The following SLC25A21 variants were observed in gnomAD, a reference collection of about 807,000 sequenced individuals.
SLC25A21 encodes mitochondrial 2-oxodicarboxylate carrier.
SLC25A21 carries 47 observed loss-of-function variants against 43.8 expected under a neutral mutation model. The ratio of observed to expected loss-of-function variants is 1.07; its 90% CI spans 0.85 to 1.37. SLC25A21 has a LOEUF of 1.37. SLC25A21 is among the 40% of genes most tolerant of loss of function. The probability of loss-of-function intolerance (pLI) is 0.00; values close to 1 mark genes in which losing one functional copy is unlikely to be tolerated. For synonymous variants in SLC25A21, 131 were observed against 121.3 expected, an observed-to-expected ratio of 1.08 and a Z score of -0.52; for missense variants, 352 against 350.2, an observed-to-expected ratio of 1.00 and a Z score of -0.04.
chr14:36,706,843 A>G (rs1160460604), intron 7 of SLC25A21, among the ~76,000 whole-genome samples: 1 of 151,940 alleles, frequency 6.6e-6, no homozygotes, highest in Non-Finnish European at 1.5e-5. Flanking sequence ...ATTTCCATGC[A>G]CACATTCTGC....
At chr14:37,141,825 T>C (rs1003634220) in intron 1 of SLC25A21, among the ~76,000 whole-genome samples, 1 of 152,220 alleles carries the variant, frequency 6.6e-6, no homozygotes, top group African/African-American at 2.4e-5. Flanking sequence ...TTTCTACATT[T>C]TCGTCTGAGT....
At chr14:37,014,105 C>T (rs1360232798) in intron 1 of SLC25A21, among the ~76,000 whole-genome samples, 1 of 151,974 alleles carries the variant, frequency 6.6e-6, no homozygotes, top group Admixed American at 6.6e-5. Context: ...AAGGCAAGGT[C>T]CCAACTGATC....
intron 3 of SLC25A21, among the ~76,000 whole-genome samples, chr14:36,791,115 A>C (rs1203073361): frequency 6.6e-6 from 1 of 152,146 alleles, no homozygotes; most frequent in African/African-American, 2.4e-5. Flanking sequence ...TATTTCTAGA[A>C]GGATCCTTTC....
Position 36,683,850 on chromosome 14 carries a change from G to A in SLC25A21, c.816C>T (p.Pro272=). The change falls in exon 9 of 10, where the codon CCC becomes CCT. Residue 272 remains proline (P), a synonymous_variant. Transcript: ENST00000331299. The part of the protein sequence containing the change: ...GILALYKGLL[P]KIMRLGPGGA... The stretch of plus-strand genomic sequence containing the variant: ...TACCTGGTCCAAGTCTCATAATCTT[G>A]GGAAGCAGGCCTTTGTACAAAGCTA... The A allele has an allele frequency of 6.2e-7, 1 of 1,606,086 alleles. No individual in the cohort carries two copies.
intron 1 of SLC25A21, among the ~76,000 whole-genome samples, chr14:37,148,081 G>T (rs949413419): frequency 4.0e-5 from 6 of 151,728 alleles, no homozygotes; most frequent in Non-Finnish European, 5.9e-5. Context: ...CAAGTGATCG[G>T]TCTACCTGGG....
intron 1 of SLC25A21, among the ~76,000 whole-genome samples, chr14:36,906,525 TA>T (rs993783114): frequency 6.6e-6 from 1 of 151,452 alleles, no homozygotes; most frequent in Non-Finnish European, 1.5e-5. Context: ...TTTTTTTTTT[TA>T]GATGGAGTCT....
At chr14:36,872,568 G>A (rs759839614) in intron 2 of SLC25A21, among the ~76,000 whole-genome samples, 2 of 152,062 alleles carry the variant, frequency 1.3e-5, no homozygotes, top group Non-Finnish European at 2.9e-5. Context: ...AGTGTCAGTT[G>A]CCCATACTTG....
At chr14:36,755,283 G>A (rs1051974898) in intron 3 of SLC25A21, among the ~76,000 whole-genome samples, 6 of 152,164 alleles carry the variant, frequency 3.9e-5, no homozygotes, top group African/African-American at 1.4e-4. Flanking sequence ...GTGATATCAG[G>A]GAAGAATTCA....
intron 4 of SLC25A21, among the ~76,000 whole-genome samples, chr14:36,730,286 C>T (rs1884766241): frequency 6.6e-6 from 1 of 152,174 alleles, no homozygotes; most frequent in Non-Finnish European, 1.5e-5. Context: ...TAATCAATTG[C>T]TTCATATAAT....
intron 1 of SLC25A21, among the ~76,000 whole-genome samples, chr14:36,900,972 A>G (rs1891382722): frequency 6.6e-6 from 1 of 152,154 alleles, no homozygotes. Flanking sequence ...TGTATCCCAA[A>G]CCACTTTACA....
intron 1 of SLC25A21, among the ~76,000 whole-genome samples, chr14:36,989,617 G>A (rs1960220231): frequency 6.6e-6 from 1 of 151,588 alleles, no homozygotes; most frequent in Non-Finnish European, 1.5e-5. Flanking sequence ...AGGTTTCCAG[G>A]AAAAAAATGC....
intron 6 of SLC25A21, among the ~76,000 whole-genome samples, chr14:36,712,755 A>G (rs1883939213): frequency 6.6e-6 from 1 of 152,256 alleles, no homozygotes; most frequent in African/African-American, 2.4e-5. Context: ...GGTAGAATAC[A>G]TCTTAAAACA....
intron 1 of SLC25A21, among the ~76,000 whole-genome samples, chr14:36,981,872 AAAACTGTTG>A (rs1960033888): frequency 6.6e-6 from 1 of 152,176 alleles, no homozygotes. Flanking sequence ...AAATAAATAA[AAAACTGTTG>A]AATTATTTGA....
intron 1 of SLC25A21, among the ~76,000 whole-genome samples, chr14:36,880,151 G>A (rs1482219137): frequency 1.3e-5 from 2 of 152,160 alleles, no homozygotes; most frequent in Admixed American, 6.5e-5. Flanking sequence ...CCAAAGGGAT[G>A]TAAGGGAAAG....
chr14:36,753,076 G>C (rs1477644173), intron 3 of SLC25A21, among the ~76,000 whole-genome samples: 1 of 151,906 alleles, frequency 6.6e-6, no homozygotes, highest in African/African-American at 2.4e-5. Context: ...GTTGCCAGTG[G>C]CCAGGGGAGA....
chr14:36,817,129 T>C (rs1025785002), intron 2 of SLC25A21, among the ~76,000 whole-genome samples: 1 of 152,170 alleles, frequency 6.6e-6, no homozygotes, highest in African/African-American at 2.4e-5. Flanking sequence ...ATTTTCTTAA[T>C]GTGTTCCATA....
At chr14:36,969,889 T>C (rs1959711321) in intron 1 of SLC25A21, among the ~76,000 whole-genome samples, 1 of 151,974 alleles carries the variant, frequency 6.6e-6, no homozygotes, top group Admixed American at 6.6e-5. Context: ...TGAGTCCTGC[T>C]CTCCCAGGTA....
At chr14:37,097,850 C>G (rs1040438796) in intron 1 of SLC25A21, 2 of 150,832 alleles carry the variant, frequency 1.3e-5, no homozygotes, top group Non-Finnish European at 2.9e-5. Context: ...CACCATCGCA[C>G]TTCAGCCTGG....
At chr14:36,809,922 A>G (rs1242012918) in intron 3 of SLC25A21, among the ~76,000 whole-genome samples, 3 of 152,236 alleles carry the variant, frequency 2.0e-5, no homozygotes, top group Non-Finnish European at 4.4e-5. Context: ...ACTAAATAAG[A>G]AAGTCAAAAG....
Sources: allele counts gnomAD v4.1 joint callset (sites outside exome capture counted in the v4.1 genomes callset), GRCh38; gene constraint gnomAD v4.1.1; transcripts MANE v1.5; gene names NCBI Gene and HGNC (gene_info 2026-07-23, HGNC 2026-07-21).